EXOC2: variants seen among roughly 807,000 people sequenced by gnomAD.
The protein encoded by EXOC2 is SEC5-like 1.
In EXOC2, 70 loss-of-function variants were observed where a neutral mutation model predicts 131.8. The observed-to-expected ratio is 0.53, with a 90% confidence interval of 0.44 to 0.65. EXOC2 has a LOEUF of 0.65. EXOC2 is among the 30% of genes least tolerant of loss of function. The probability of loss-of-function intolerance (pLI) is 0.00; values close to 1 mark genes in which losing one functional copy is unlikely to be tolerated. For synonymous variants in EXOC2, 411 were observed against 398.4 expected (o/e 1.03, Z -0.38); for missense variants, 923 against 1,108.6 (o/e 0.83, Z 2.38).
rs191848999 is a variant in EXOC2, at chr6:513,157, C to A, written c.2381-13457G>T. Among the ~76,000 whole-genome samples the A allele has an allele frequency of 1.7e-3, 263 of 152,328 alleles. 1 individual carries two copies. The highest frequency in any genetic ancestry group is 3.6e-3 in the Admixed American group (55 of 15,304). On this transcript the variant is annotated intron_variant, in intron 23 of 27. Transcript: ENST00000230449. ...AACACTCATTCTCTTGGGTCACAGG[C>A]TGGAATGGAACTGGGTCACTGCATG...
chr6:532,354 A>G, intron 23 of EXOC2, 115 bp downstream of exon 23: 2 of 1,123,670 alleles, frequency 1.8e-6, no homozygotes, highest in Non-Finnish European at 2.4e-6. Flanking sequence ...AATCAAATTA[A>G]TCTCTCACTC....
intron 23 of EXOC2, among the ~76,000 whole-genome samples, chr6:528,638 G>C (rs937888654): frequency 2.6e-5 from 4 of 151,626 alleles, no homozygotes; most frequent in African/African-American, 9.7e-5. Flanking sequence ...ATGAAAGAAA[G>C]TTTGTCAGGA....
intron 16 of EXOC2, 146 bp from the exon 17 acceptor site, chr6:562,991 G>A: frequency 2.0e-6 from 1 of 511,880 alleles, no homozygotes; most frequent in Non-Finnish European, 3.3e-6. Flanking sequence ...ATATAATTTT[G>A]GTAGACTTGA....
intron 4 of EXOC2, among the ~76,000 whole-genome samples, chr6:620,257 G>C (rs1004306671): frequency 6.6e-6 from 1 of 152,158 alleles, no homozygotes; most frequent in African/African-American, 2.4e-5. Flanking sequence ...GGCTCACAAC[G>C]TGGCAGCCTT....
chr6:510,582 C>T (rs1018315244), intron 23 of EXOC2, among the ~76,000 whole-genome samples: 1 of 152,118 alleles, frequency 6.6e-6, no homozygotes, highest in Non-Finnish European at 1.5e-5. Flanking sequence ...CATAGACAAA[C>T]AGCTTTCAAG....
At chr6:656,547 G>A (rs1763106241) in intron 1 of EXOC2, 3 of 1,599,844 alleles carry the variant, frequency 1.9e-6, no homozygotes, top group African/African-American at 2.7e-5. Flanking sequence ...CACCCGCACG[G>A]GCAGATCGTG....
intron 23 of EXOC2, among the ~76,000 whole-genome samples, 199 bp from the exon 24 acceptor site, chr6:499,899 T>G (rs950506743): frequency 6.6e-6 from 1 of 152,118 alleles, no homozygotes; most frequent in African/African-American, 2.4e-5. Context: ...AAATGAGAAG[T>G]TTTCTTTTAT....
chr6:623,271 C>T (rs1037813277), intron 4 of EXOC2, among the ~76,000 whole-genome samples: 32 of 152,230 alleles, frequency 2.1e-4, no homozygotes, highest in Admixed American at 1.8e-3. Flanking sequence ...CCCACCCACC[C>T]GCCAGCACCC....
intron 1 of EXOC2, among the ~76,000 whole-genome samples, chr6:692,736 C>T (rs1764994533): frequency 6.6e-6 from 1 of 152,230 alleles, no homozygotes; most frequent in Non-Finnish European, 1.5e-5. Context: ...TGGAGTCAGC[C>T]CTCTGCAGCC....
chr6:660,987 C>G (rs1285374381), intron 1 of EXOC2, among the ~76,000 whole-genome samples: 2 of 152,154 alleles, frequency 1.3e-5, no homozygotes, highest in Non-Finnish European at 2.9e-5. Flanking sequence ...ACTTTGGACA[C>G]ACTTTTAGAA....
intron 11 of EXOC2, among the ~76,000 whole-genome samples, chr6:579,735 G>A (rs749721346): frequency 1.3e-5 from 2 of 151,874 alleles, no homozygotes; most frequent in Non-Finnish European, 2.9e-5. Flanking sequence ...TTAAATACCA[G>A]TTGTCACAAA....
intron 9 of EXOC2, 92 bp downstream of exon 9, chr6:598,768 T>G: frequency 9.7e-7 from 1 of 1,033,996 alleles, no homozygotes; most frequent in Non-Finnish European, 1.4e-6. Flanking sequence ...AAACAAAAAC[T>G]AAAAACTCAT....
intron 23 of EXOC2, among the ~76,000 whole-genome samples, chr6:502,574 A>T (rs990442353): frequency 6.6e-6 from 1 of 152,254 alleles, no homozygotes; most frequent in East Asian, 1.9e-4. Context: ...GGTGAAGTGT[A>T]AACTGCTCAA....
chr6:627,713 A>C (rs2127697857), intron 4 of EXOC2, among the ~76,000 whole-genome samples: 1 of 152,238 alleles, frequency 6.6e-6, no homozygotes, highest in South Asian at 2.1e-4. Context: ...TTAACATCTT[A>C]TTGGTTCTTT....
chr6:569,452 CA>C (rs1272903110), intron 13 of EXOC2, among the ~76,000 whole-genome samples: 1 of 152,180 alleles, frequency 6.6e-6, no homozygotes, highest in African/African-American at 2.4e-5. Flanking sequence ...GCTCTTAATA[CA>C]ACAAGATAGT....
chr6:562,151 G>A (rs534851335), intron 17 of EXOC2, among the ~76,000 whole-genome samples: 18 of 152,196 alleles, frequency 1.2e-4, no homozygotes, highest in East Asian at 1.9e-4. Flanking sequence ...GTGTGACCAC[G>A]CTGCCAGGCT....
intron 2 of EXOC2, among the ~76,000 whole-genome samples, chr6:634,869 T>C (rs142005204): frequency 2.8e-3 from 421 of 152,292 alleles, no homozygotes; most frequent in African/African-American, 9.0e-3. Flanking sequence ...ACTTAAGAGA[T>C]TGAAAGCCTC....
intron 6 of EXOC2, among the ~76,000 whole-genome samples, chr6:617,270 TG>T (rs1761061466): frequency 6.6e-6 from 1 of 152,256 alleles, no homozygotes; most frequent in African/African-American, 2.4e-5. Context: ...CATACACAGA[TG>T]GCACAGTGAC....
chr6:485,353 C>T lies in EXOC2; in HGVS notation c.*1318G>A, dbSNP rs1762989627. The T allele has an allele frequency of 6.6e-6, 1 of 152,100 alleles. No individual in the cohort carries two copies. The highest frequency in any genetic ancestry group is 2.1e-4 in the South Asian group (1 of 4,818). 9.4% of individuals were successfully genotyped at this position (152,100 alleles called of 1,614,324 possible). On this transcript the variant is annotated 3_prime_UTR_variant, in exon 28 of 28. Transcript: ENST00000230449. ...CTTTCATTTCCAGTTACCATGATGT[C>T]CCCCCATACACCAAATGAACCAACA...
Sources: allele counts gnomAD v4.1 joint callset (sites outside exome capture counted in the v4.1 genomes callset), GRCh38; gene constraint gnomAD v4.1.1; transcripts MANE v1.5; gene names NCBI Gene and HGNC (gene_info 2026-07-23, HGNC 2026-07-21).